The following TUG1 variants were observed in gnomAD, a reference collection of about 807,000 sequenced individuals.
TUG1 encodes the protein taurine upregulated gene 1.
exon 3 of TUG1, chr22:30,979,180 G>A (rs1254012010): frequency 6.6e-6 from 1 of 152,010 alleles, no homozygotes; most frequent in Non-Finnish European, 1.5e-5. Flanking sequence ...TGATACATTA[G>A]GTGAAACAAG....
chr22:30,969,608 G>C (rs1038336376), exon 1 of TUG1: 2 of 152,600 alleles, frequency 1.3e-5, no homozygotes, highest in African/African-American at 4.8e-5. Flanking sequence ...GCGGCGGCGG[G>C]CAGCTGCTCC....
At chr22:30,969,495 C>T (rs992443037) in exon 1 of TUG1, 2 of 152,090 alleles carry the variant, frequency 1.3e-5, no homozygotes, top group African/African-American at 2.4e-5. Flanking sequence ...GCGGCGCGCG[C>T]CCGGTGGCCG....
exon 3 of TUG1, chr22:30,975,817 A>G (rs542681682): frequency 3.1e-4 from 47 of 152,340 alleles, no homozygotes; most frequent in African/African-American, 8.7e-4. Flanking sequence ...CATTGAGGCC[A>G]TATTAGAGCA....
chr22:30,970,223 T>C (rs1456894535), exon 1 of TUG1: 1 of 152,106 alleles, frequency 6.6e-6, no homozygotes, highest in African/African-American at 2.4e-5. Flanking sequence ...TGATGATCCA[T>C]CGCTAGCAAG....
chr22:30,978,815 T>C (rs1358483578), exon 3 of TUG1: 2 of 152,224 alleles, frequency 1.3e-5, no homozygotes, highest in African/African-American at 2.4e-5. Context: ...TTTTCAGTTA[T>C]GTGAACCAAT....
exon 3 of TUG1, chr22:30,976,983 T>G (rs1407030068): frequency 6.6e-6 from 1 of 152,186 alleles, no homozygotes; most frequent in African/African-American, 2.4e-5. Flanking sequence ...TCGTCAATTT[T>G]CTACTACCTT....
exon 1 of TUG1, chr22:30,971,040 C>CCAACAA (rs2041224217): frequency 6.6e-6 from 1 of 152,154 alleles, no homozygotes; most frequent in Admixed American, 6.5e-5. Flanking sequence ...TATCAAATTT[C>CCAACAA]AGGCCATTAT....
intron 2 of TUG1, 179 bp downstream of exon 2, chr22:30,973,766 T>TA (rs1175354880): frequency 6.6e-6 from 1 of 152,206 alleles, no homozygotes; most frequent in Non-Finnish European, 1.5e-5. Flanking sequence ...GTGAAAGTGG[T>TA]AGAGGCCAGG....
At chr22:30,978,206 T>G (rs938244765) in exon 3 of TUG1, 11 of 152,266 alleles carry the variant, frequency 7.2e-5, no homozygotes, top group Non-Finnish European at 1.5e-4. Context: ...CTCAGACTCA[T>G]GACCACTGAG....
At chr22:30,971,382 C>T (rs1336391252) in exon 1 of TUG1, 4 of 152,448 alleles carry the variant, frequency 2.6e-5, no homozygotes, top group Non-Finnish European at 4.4e-5. Context: ...ATGCTTTCCT[C>T]AGCAGAAAGG....
exon 3 of TUG1, chr22:30,976,677 A>G (rs1221208007): frequency 6.6e-6 from 1 of 152,218 alleles, no homozygotes; most frequent in African/African-American, 2.4e-5. Flanking sequence ...CTCAGACCAG[A>G]TCATGTTGAA....
intron 2 of TUG1, chr22:30,973,844 C>T (rs2147361844): frequency 6.6e-6 from 1 of 152,264 alleles, no homozygotes; most frequent in South Asian, 2.1e-4. Context: ...GTTAAAATGG[C>T]TGGGTATTGG....
At position 30,975,592 on chromosome 22, in the gene TUG1, C is replaced by G. The variant is rs56230250; in HGVS notation, c.*3117C>G. The G allele has an allele frequency of 4.2e-3, 637 of 152,300 alleles. 1 individual carries two copies. The highest frequency in any genetic ancestry group is 7.6e-3 in the Non-Finnish European group (517 of 68,028). The allele number at this position is 152,300 out of a possible 1,614,324, so 9.4% of individuals were successfully genotyped here. ...AATGATCATTTGCTGAAGATGGTGT[C>G]AAGTGAACCTAGATTAACAGCCCTC... On this transcript the variant is annotated 3_prime_UTR_variant, in exon 3 of 3. Coordinates refer to ENST00000644773, the Ensembl canonical transcript of TUG1.
chr22:30,978,920 G>C (rs941907999), exon 3 of TUG1: 1 of 152,176 alleles, frequency 6.6e-6, no homozygotes, highest in Non-Finnish European at 1.5e-5. Context: ...AGACTTGACA[G>C]ATCCAAGTAT....
intron 1 of TUG1, chr22:30,972,063 A>G (rs1334579094): frequency 6.6e-6 from 1 of 152,218 alleles, no homozygotes; most frequent in Non-Finnish European, 1.5e-5. Flanking sequence ...AGACTCCTTG[A>G]AAGCAGGGTC....
exon 1 of TUG1, chr22:30,971,553 T>C (rs1238222106): frequency 6.5e-6 from 1 of 152,720 alleles, no homozygotes; most frequent in Non-Finnish European, 1.5e-5. Flanking sequence ...TTCCAGATTT[T>C]CAAGACCTGG....
chr22:30,977,259 A>G (rs1403274660), exon 3 of TUG1: 1 of 152,238 alleles, frequency 6.6e-6, no homozygotes, highest in Non-Finnish European at 1.5e-5. Flanking sequence ...ATCTTTGAAC[A>G]GCACCATTCA....
exon 2 of TUG1, chr22:30,973,228 A>AT (rs1569211821): frequency 6.6e-6 from 1 of 152,244 alleles, no homozygotes; most frequent in East Asian, 1.9e-4. Context: ...GGACCAGGGG[A>AT]TTTTTTAGTT....
exon 3 of TUG1, chr22:30,979,121 A>G (rs1193593321): frequency 6.6e-6 from 1 of 152,208 alleles, no homozygotes; most frequent in Non-Finnish European, 1.5e-5. Context: ...AATATCTCGT[A>G]TCTGTTAAAA....
Sources: allele counts gnomAD v4.1 joint callset, GRCh38; gene constraint gnomAD v4.1.1; transcripts MANE v1.5; gene names NCBI Gene and HGNC (gene_info 2026-07-23, HGNC 2026-07-21).